CDH12: variants seen among roughly 807,000 people sequenced by gnomAD.
CDH12 encodes cadherin 12.
Under a neutral mutation model 74.1 loss-of-function variants are expected in CDH12, and 41 were observed. The observed-to-expected ratio is 0.55, with a 90% CI of 0.43 to 0.72. The LOEUF (loss-of-function observed/expected upper bound fraction) is 0.72. CDH12 is among the 30% of genes least tolerant of loss of function. The pLI, the probability that CDH12 is intolerant of heterozygous loss-of-function variation, is 0.00. For missense variants in CDH12, 945 were observed against 977.2 expected (o/e 0.97, Z 0.44); for synonymous variants, 399 against 355.0 (o/e 1.12, Z -1.39).
Position 22,693,883 on chromosome 5 carries a change from T to C in CDH12, c.-523+159175A>G, listed in dbSNP as rs148857387. On this transcript the variant is annotated intron_variant, in intron 1 of 14. Transcript: ENST00000382254. ...TGTACACTGATTCATGACTTATCTATTCCATTATTTTGAAATATTTAGTTA... is the reference window on the plus strand; with the variant it reads ...TGTACACTGATTCATGACTTATCTACTCCATTATTTTGAAATATTTAGTTA... Among the ~76,000 whole-genome samples the C allele has an allele frequency of 5.9e-5, 9 of 152,224 alleles. No individual in the cohort carries two copies. The East Asian group carries it at 1.4e-3, about 23-fold the overall frequency.
chr5:22,266,038 ATTAT>A (rs143229137), intron 3 of CDH12, among the ~76,000 whole-genome samples: 86,718 of 140,612 alleles, frequency 0.62, 27,385 homozygotes, highest in Middle Eastern at 0.71. Context: ...AGCTTTGTTG[ATTAT>A]TTATTTATTT....
chr5:22,550,957 T>A (rs1253051298), intron 1 of CDH12, among the ~76,000 whole-genome samples: 1 of 152,154 alleles, frequency 6.6e-6, no homozygotes, highest in Admixed American at 6.5e-5. Flanking sequence ...AACTTAGCTG[T>A]TTTAATAAAT....
At chr5:22,304,381 T>G (rs1738017799) in intron 3 of CDH12, among the ~76,000 whole-genome samples, 1 of 152,158 alleles carries the variant, frequency 6.6e-6, no homozygotes, top group Non-Finnish European at 1.5e-5. Context: ...GGCTTTCTCA[T>G]TTGGTTATTA....
intron 4 of CDH12, among the ~76,000 whole-genome samples, chr5:22,095,102 A>C (rs1743674471): frequency 6.6e-6 from 1 of 152,118 alleles, no homozygotes; most frequent in African/African-American, 2.4e-5. Flanking sequence ...CTCCCTTAGG[A>C]GATCAATCCC....
chr5:22,851,215 T>C (rs1039080391), intron 1 of CDH12, among the ~76,000 whole-genome samples: 4 of 151,822 alleles, frequency 2.6e-5, no homozygotes, highest in Non-Finnish European at 5.9e-5. Flanking sequence ...CCCCCAACAA[T>C]AATGCAGCTT....
At position 22,760,603 on chromosome 5, in the gene CDH12, C is replaced by T. The variant is rs151304227; in HGVS notation, c.-523+92455G>A. On this transcript the variant is annotated intron_variant, in intron 1 of 14. Transcript: ENST00000382254. ...CTGAGGCAGGAGAATTGTTTGAACC[C>T]GGGAGGCAAATGTTGCAGTGAGCTG... Among the ~76,000 whole-genome samples the T allele has an allele frequency of 5.8e-3, 824 of 141,664 alleles. 7 individuals are homozygous for T. The highest frequency in any genetic ancestry group is 0.013 in the Admixed American group (175 of 13,142). The allele number at this position is 141,664 out of a possible 152,430, so 92.9% of individuals were successfully genotyped here.
chr5:22,273,928 T>A (rs1736514317), intron 3 of CDH12, among the ~76,000 whole-genome samples: 1 of 152,164 alleles, frequency 6.6e-6, no homozygotes, highest in Admixed American at 6.6e-5. Context: ...TCAAGTAGCA[T>A]AATATAATCA....
intron 6 of CDH12, among the ~76,000 whole-genome samples, chr5:21,897,094 A>G (rs191234399): frequency 3.3e-4 from 51 of 152,356 alleles, no homozygotes; most frequent in African/African-American, 1.2e-3. Context: ...GCCAACAAAT[A>G]TAATCAACTG....
intron 5 of CDH12, among the ~76,000 whole-genome samples, chr5:21,989,118 TAGAG>T (rs1462586252): frequency 2.6e-5 from 4 of 151,368 alleles, no homozygotes; most frequent in African/African-American, 9.7e-5. Flanking sequence ...GAAGGCATAA[TAGAG>T]AGAAAGGAAG....
At chr5:21,918,852 CAA>C (rs1754225697) in intron 6 of CDH12, among the ~76,000 whole-genome samples, 1 of 152,072 alleles carries the variant, frequency 6.6e-6, no homozygotes, top group Non-Finnish European at 1.5e-5. Context: ...CATAATTACT[CAA>C]ATTAAAATTG....
intron 1 of CDH12, among the ~76,000 whole-genome samples, chr5:22,791,497 T>G (rs1747903453): frequency 6.6e-6 from 1 of 152,234 alleles, no homozygotes; most frequent in South Asian, 2.1e-4. Context: ...CCCTTTAATG[T>G]AGAAAGACAT....
intron 3 of CDH12, among the ~76,000 whole-genome samples, chr5:22,239,886 C>T (rs1752687686): frequency 6.6e-6 from 1 of 152,054 alleles, no homozygotes; most frequent in Admixed American, 6.6e-5. Flanking sequence ...TAACGGAAAA[C>T]TAAGGATTAA....
chr5:21,869,816 AG>A (rs1751521368), intron 6 of CDH12, among the ~76,000 whole-genome samples: 1 of 152,176 alleles, frequency 6.6e-6, no homozygotes, highest in Admixed American at 6.6e-5. Context: ...CAAGTTAATA[AG>A]GGTTGGATTT....
At chr5:22,832,633 C>T (rs897293152) in intron 1 of CDH12, among the ~76,000 whole-genome samples, 1 of 152,038 alleles carries the variant, frequency 6.6e-6, no homozygotes, top group Admixed American at 6.6e-5. Flanking sequence ...AAGTTTAAAT[C>T]TAATTATAAC....
At chr5:22,051,484 C>T (rs193009312) in intron 5 of CDH12, among the ~76,000 whole-genome samples, 2 of 152,104 alleles carry the variant, frequency 1.3e-5, no homozygotes, top group African/African-American at 2.4e-5. Flanking sequence ...TTTGTTGTTG[C>T]TGTTGGATAA....
chr5:22,392,783 G>A (rs1009868593), intron 3 of CDH12, among the ~76,000 whole-genome samples: 4 of 152,134 alleles, frequency 2.6e-5, no homozygotes, highest in African/African-American at 9.7e-5. Flanking sequence ...ATGTGATGCC[G>A]ACATGAGCTA....
chr5:22,318,568 A>G (rs923941864), intron 3 of CDH12, among the ~76,000 whole-genome samples: 1 of 152,156 alleles, frequency 6.6e-6, no homozygotes, highest in African/African-American at 2.4e-5. Context: ...AATGCTCACA[A>G]AAGTTTAATG....
At chr5:22,168,439 T>G (rs115373775) in intron 4 of CDH12, among the ~76,000 whole-genome samples, 1 of 152,066 alleles carries the variant, frequency 6.6e-6, no homozygotes, top group Non-Finnish European at 1.5e-5. Context: ...TTGTCAGAAA[T>G]CTTCGACGGA....
At chr5:21,886,207 A>G (rs1752620579) in intron 6 of CDH12, among the ~76,000 whole-genome samples, 1 of 151,972 alleles carries the variant, frequency 6.6e-6, no homozygotes, top group Non-Finnish European at 1.5e-5. Context: ...CTGATTTTGT[A>G]AAAATTTTCT....
Sources: gnomAD v4.1 joint callset for allele counts (sites outside exome capture counted in the v4.1 genomes callset) on GRCh38, gnomAD v4.1.1 for gene constraint, MANE v1.5 for transcripts, NCBI Gene and HGNC (gene_info 2026-07-23, HGNC 2026-07-21) for gene names.